Variants in PHKB observed in about 807,000 individuals in gnomAD.
The protein encoded by PHKB is phosphorylase kinase regulatory subunit beta.
PHKB carries 122 observed loss-of-function variants against 152.1 expected under a neutral mutation model. The ratio of observed to expected loss-of-function variants is 0.80; its 90% CI spans 0.69 to 0.93. PHKB has a LOEUF of 0.93. Among genes scored for constraint, PHKB ranks in the 40% least tolerant of loss-of-function variants. The pLI is 0.00. For missense variants in PHKB, 1,304 were observed against 1,328.4 expected (o/e 0.98, Z 0.29); for synonymous variants, 436 against 464.9 (o/e 0.94, Z 0.80).
chr16:47,499,721 G>T (rs779880405), intron 2 of PHKB, 35 bp from the exon 3 acceptor site: 13 of 1,613,298 alleles, frequency 8.1e-6, no homozygotes, highest in East Asian at 2.2e-5. Context: ...GTCGCTGACT[G>T]TACAGTTCAT....
At chr16:47,680,249 G>A (rs908812549) in intron 26 of PHKB, among the ~76,000 whole-genome samples, 1 of 152,128 alleles carries the variant, frequency 6.6e-6, no homozygotes, top group African/African-American at 2.4e-5. Context: ...TTGTGTCTCT[G>A]CCAGGCTTTG....
At chr16:47,615,832 T>C (rs967413837) in intron 14 of PHKB, among the ~76,000 whole-genome samples, 7 of 152,230 alleles carry the variant, frequency 4.6e-5, no homozygotes, top group Admixed American at 4.6e-4. Context: ...ACTCATCTTT[T>C]TTCTTCAGAG....
chr16:47,669,701 A>G (rs1776054526), intron 26 of PHKB, among the ~76,000 whole-genome samples: 2 of 152,230 alleles, frequency 1.3e-5, no homozygotes, highest in Admixed American at 6.5e-5. Flanking sequence ...GTCGTGTAAA[A>G]CGCTAAGCAC....
chr16:47,538,784 C>T (rs1374873229), intron 6 of PHKB, among the ~76,000 whole-genome samples: 1 of 152,204 alleles, frequency 6.6e-6, no homozygotes, highest in African/African-American at 2.4e-5. Context: ...TTGATTTCTC[C>T]ACCAGTTCCC....
chr16:47,627,612 T>C (rs1972733255), intron 14 of PHKB, among the ~76,000 whole-genome samples: 1 of 152,368 alleles, frequency 6.6e-6, no homozygotes, highest in South Asian at 2.1e-4. Context: ...AGAAAGCTTA[T>C]ATAATCACTA....
intron 6 of PHKB, among the ~76,000 whole-genome samples, chr16:47,521,068 T>G (rs565811991): frequency 6.6e-6 from 1 of 152,218 alleles, no homozygotes; most frequent in Non-Finnish European, 1.5e-5. Flanking sequence ...TGCTATCATA[T>G]AGAAATTCAT....
chr16:47,588,895 TTGCCTCCAGAATACAGATGC>T lies in PHKB; in HGVS notation c.871-5_885del. 1 of 1,611,512 alleles carries T rather than the reference TTGCCTCCAGAATACAGATGC, an allele frequency of 6.2e-7. No individual in the cohort carries two copies. Among genetic ancestry groups the T allele is most frequent in the Non-Finnish European group, 8.5e-7 (1 of 1,177,800 alleles). ...GGACACTCACAGTCTCTCTTTCTCA[TTGCCTCCAGAATACAGATGC>T]TGCCCTGCTCCCCTGCATCAGTTAT... On this transcript the variant is annotated splice_acceptor_variant and splice_polypyrimidine_tract_variant and coding_sequence_variant and intron_variant, in exon 10 of 31. Coordinates refer to ENST00000323584, the MANE Select transcript of PHKB (RefSeq NM_000293.3). LOFTEE classifies it high-confidence loss of function.
At chr16:47,470,678 T>C (rs1340795041) in intron 1 of PHKB, among the ~76,000 whole-genome samples, 1 of 152,168 alleles carries the variant, frequency 6.6e-6, no homozygotes, top group Non-Finnish European at 1.5e-5. Context: ...GCAGACCCTA[T>C]TACCCAGCCA....
intron 17 of PHKB, 28 bp downstream of exon 17, chr16:47,648,644 GT>G: frequency 6.8e-7 from 1 of 1,478,396 alleles, no homozygotes; most frequent in South Asian, 1.1e-5. Flanking sequence ...TCAAAAAGTA[GT>G]TTTTGGATTC....
chr16:47,584,832 G>T (rs993056109), intron 8 of PHKB, among the ~76,000 whole-genome samples: 2 of 152,162 alleles, frequency 1.3e-5, no homozygotes, highest in Non-Finnish European at 2.9e-5. Flanking sequence ...CTAGATGAGG[G>T]CAGCAAGTCC....
intron 4 of PHKB, among the ~76,000 whole-genome samples, chr16:47,504,779 C>T (rs1213840861): frequency 6.6e-6 from 1 of 152,250 alleles, no homozygotes; most frequent in African/African-American, 2.4e-5. Flanking sequence ...AGAAAGCCGC[C>T]TTGGCGCAGT....
chr16:47,556,696 T>C (rs909083676), intron 7 of PHKB, among the ~76,000 whole-genome samples: 3 of 152,214 alleles, frequency 2.0e-5, no homozygotes, highest in African/African-American at 7.2e-5. Context: ...GATTTTTGCA[T>C]CAATGTTCAT....
chr16:47,675,023 G>C (rs781123199), intron 26 of PHKB, among the ~76,000 whole-genome samples: 1 of 152,180 alleles, frequency 6.6e-6, no homozygotes, highest in Non-Finnish European at 1.5e-5. Flanking sequence ...CCTTTCTTAT[G>C]TTCAGAGGAA....
chr16:47,630,843 C>T (rs934502710), intron 14 of PHKB, among the ~76,000 whole-genome samples: 41 of 152,202 alleles, frequency 2.7e-4, no homozygotes, highest in African/African-American at 9.4e-4. Context: ...GGCTGACCCC[C>T]GCTGAGGAAG....
At position 47,471,925 on chromosome 16, in the gene PHKB, G is replaced by A. The variant is rs988176220; in HGVS notation, c.76+10499G>A. ...AAAGAAATTAGCCGGGTATGGTGGC[G>A]GGCGCCTGTAGTCCCAGCTACTCGC... On this transcript the variant is annotated intron_variant, in intron 1 of 30. Transcript: ENST00000323584. Among the ~76,000 whole-genome samples, 4 of 152,090 alleles carry A rather than the reference G, an allele frequency of 2.6e-5. No individual in the cohort carries two copies. The South Asian group carries it at 6.2e-4, about 24-fold the overall frequency.
intron 6 of PHKB, among the ~76,000 whole-genome samples, chr16:47,533,050 C>A (rs532674900): frequency 7.7e-4 from 117 of 152,236 alleles, no homozygotes; most frequent in Non-Finnish European, 1.4e-3. Flanking sequence ...TGGGAAGCTC[C>A]CCTCTGCAAG....
rs189158476 is a variant in PHKB at position 47,626,544 on chromosome 16, G to A, written c.1459-14491G>A. 8.9e-4 allele frequency among the ~76,000 whole-genome samples: 136 copies of A among 152,254 alleles called. 3 individuals carry two copies. The East Asian group carries it at 0.016, about 18-fold the overall frequency. Reference sequence around the variant, plus strand: ...CATTTCCACTCCTAAGTGGAATGCTGCACTTGGCAATTCTCTAGTGAACTG... The same window carrying A: ...CATTTCCACTCCTAAGTGGAATGCTACACTTGGCAATTCTCTAGTGAACTG... On this transcript the variant is annotated intron_variant, in intron 14 of 30. Transcript: ENST00000323584.
chr16:47,640,921 C>G (rs1597143455), intron 14 of PHKB, 114 bp from the exon 15 acceptor site: 2 of 954,128 alleles, frequency 2.1e-6, no homozygotes, highest in Non-Finnish European at 3.4e-6. Flanking sequence ...CAGCTGGTGT[C>G]CATCATTTTA....
intron 25 of PHKB, among the ~76,000 whole-genome samples, chr16:47,666,953 C>A (rs1204120849): frequency 6.6e-6 from 1 of 152,114 alleles, no homozygotes; most frequent in Non-Finnish European, 1.5e-5. Flanking sequence ...ATATAATAAT[C>A]TTTAGTAATA....
Sources: gnomAD v4.1 joint callset for allele counts (sites outside exome capture counted in the v4.1 genomes callset) on GRCh38, gnomAD v4.1.1 for gene constraint, MANE v1.5 for transcripts, NCBI Gene and HGNC (gene_info 2026-07-23, HGNC 2026-07-21) for gene names.